The following SGCZ variants were observed in gnomAD, a reference collection of about 807,000 sequenced individuals.
The protein encoded by SGCZ is zeta-sarcoglycan.
SGCZ carries 40 observed loss-of-function variants against 41.3 expected under a neutral mutation model. The observed-to-expected ratio is 0.97, with a 90% CI of 0.75 to 1.26. SGCZ has a LOEUF of 1.26. Among genes scored for constraint, SGCZ ranks in the 50% most tolerant of loss-of-function variants. SGCZ has a pLI of 0.00. For missense variants in SGCZ, 552 were observed against 369.8 expected, an observed-to-expected ratio of 1.49 and a Z score of -4.04; for synonymous variants, 206 against 137.5, an observed-to-expected ratio of 1.50 and a Z score of -3.49.
intron 1 of SGCZ, among the ~76,000 whole-genome samples, chr8:15,050,284 T>G (rs997495313): frequency 6.6e-6 from 1 of 152,166 alleles, no homozygotes; most frequent in Non-Finnish European, 1.5e-5. Context: ...AACCCAACTG[T>G]GAGATGATAT....
At chr8:14,369,271 T>A (rs1458454321) in intron 2 of SGCZ, among the ~76,000 whole-genome samples, 2 of 151,992 alleles carry the variant, frequency 1.3e-5, no homozygotes, top group Non-Finnish European at 2.9e-5. Flanking sequence ...AATTGCCATG[T>A]CTCTCCTTTG....
chr8:14,125,714 C>A lies in SGCZ; in HGVS notation c.548-17479G>T, dbSNP rs76342253. Reference sequence around the variant, plus strand: ...GGACAAAGCTGGAGGCATCACACTACCTGATTCCAAACTACCAGGCTACAG... The same window carrying A: ...GGACAAAGCTGGAGGCATCACACTAACTGATTCCAAACTACCAGGCTACAG... On this transcript the variant is annotated intron_variant, in intron 5 of 7. Coordinates refer to ENST00000382080, the MANE Select transcript of SGCZ (RefSeq NM_139167.4). Among the ~76,000 whole-genome samples the A allele has an allele frequency of 9.3e-3, 1,418 of 152,246 alleles. 11 individuals carry two copies. The highest frequency in any genetic ancestry group is 0.014 in the Non-Finnish European group (972 of 68,008).
intron 1 of SGCZ, among the ~76,000 whole-genome samples, chr8:15,042,912 A>C (rs2130980730): frequency 6.6e-6 from 1 of 152,268 alleles, no homozygotes; most frequent in South Asian, 2.1e-4. Context: ...TTTATTATTT[A>C]ATAGTGTTTC....
At chr8:14,342,409 C>G (rs113606433) in intron 2 of SGCZ, among the ~76,000 whole-genome samples, 11 of 152,186 alleles carry the variant, frequency 7.2e-5, no homozygotes, top group African/African-American at 2.6e-4. Context: ...CTCTGCCTCC[C>G]GGGTTCATGC....
At chr8:15,227,077 G>A (rs541642449) in intron 1 of SGCZ, among the ~76,000 whole-genome samples, 1 of 152,294 alleles carries the variant, frequency 6.6e-6, no homozygotes, top group African/African-American at 2.4e-5. Flanking sequence ...GCAGATTGCT[G>A]GAAATAGGAG....
chr8:14,230,663 CCCA>C (rs1012217672), intron 4 of SGCZ, among the ~76,000 whole-genome samples: 2 of 151,844 alleles, frequency 1.3e-5, no homozygotes, highest in Non-Finnish European at 2.9e-5. Flanking sequence ...TATGATTGTC[CCCA>C]CAATATTATT....
Position 15,193,581 on chromosome 8 carries a change from C to T in SGCZ, c.39+44004G>A, listed in dbSNP as rs543498135. Among the ~76,000 whole-genome samples the T allele has an allele frequency of 2.6e-5, 4 of 152,106 alleles. No individual in the cohort carries two copies. The South Asian group carries it at 8.3e-4, about 32-fold the overall frequency. ...TGAAATAAATGACCAATGCCCACAA[C>T]CAAGAGATGGTAGAATAAAGAATTT... On this transcript the variant is annotated intron_variant, in intron 1 of 7. Transcript: ENST00000382080.
intron 1 of SGCZ, among the ~76,000 whole-genome samples, chr8:14,982,203 G>A (rs1041636576): frequency 4.6e-5 from 7 of 151,270 alleles, no homozygotes; most frequent in South Asian, 2.1e-4. Context: ...ATACAATTAA[G>A]ACTGAAATGG....
intron 3 of SGCZ, among the ~76,000 whole-genome samples, chr8:14,304,779 T>C (rs1489331642): frequency 3.9e-5 from 6 of 152,178 alleles, no homozygotes; most frequent in Admixed American, 3.9e-4. Context: ...AAGGCTATTT[T>C]AACTGTGTAA....
At chr8:14,100,562 A>AT (rs1801985877) in intron 7 of SGCZ, among the ~76,000 whole-genome samples, 1 of 135,378 alleles carries the variant, frequency 7.4e-6, no homozygotes, top group African/African-American at 2.7e-5. Context: ...TTAATATATT[A>AT]TATATTAATA....
chr8:15,218,915 T>C (rs1180650326), intron 1 of SGCZ, among the ~76,000 whole-genome samples: 1 of 152,158 alleles, frequency 6.6e-6, no homozygotes, highest in Non-Finnish European at 1.5e-5. Context: ...AGCCCACAAG[T>C]GGCGCTGAAA....
chr8:14,460,665 C>A (rs1312606142), intron 2 of SGCZ, among the ~76,000 whole-genome samples: 1 of 152,032 alleles, frequency 6.6e-6, no homozygotes, highest in Non-Finnish European at 1.5e-5. Context: ...AATTCCAAAT[C>A]CAAAGAAGTA....
intron 1 of SGCZ, among the ~76,000 whole-genome samples, chr8:14,754,114 G>C (rs574417903): frequency 1.3e-5 from 2 of 152,108 alleles, no homozygotes; most frequent in African/African-American, 4.8e-5. Context: ...AGACAAATTT[G>C]ACTTTCAGCT....
intron 2 of SGCZ, among the ~76,000 whole-genome samples, chr8:14,455,710 C>T (rs1437542541): frequency 1.3e-5 from 2 of 152,144 alleles, no homozygotes; most frequent in Non-Finnish European, 2.9e-5. Flanking sequence ...AATGACCATA[C>T]TTAGGAAAGT....
At chr8:14,521,530 C>A (rs1275627111) in intron 2 of SGCZ, among the ~76,000 whole-genome samples, 1 of 152,056 alleles carries the variant, frequency 6.6e-6, no homozygotes, top group African/African-American at 2.4e-5. Flanking sequence ...TGCCAATGTA[C>A]CCAGTTGTTT....
chr8:14,684,870 G>A (rs1471189759), intron 1 of SGCZ, among the ~76,000 whole-genome samples: 1 of 152,052 alleles, frequency 6.6e-6, no homozygotes, highest in Non-Finnish European at 1.5e-5. Context: ...ACACATGTGT[G>A]GAGGAGGGAG....
chr8:14,608,865 G>A (rs1444916769), intron 1 of SGCZ, among the ~76,000 whole-genome samples: 2 of 151,840 alleles, frequency 1.3e-5, no homozygotes, highest in Non-Finnish European at 1.5e-5. Context: ...ACAAAAAAAA[G>A]GTCCAACTTT....
At chr8:14,690,417 A>C (rs1475231103) in intron 1 of SGCZ, 1 of 152,038 alleles carries the variant, frequency 6.6e-6, no homozygotes, top group African/African-American at 2.4e-5. Context: ...TGAGGGTATT[A>C]GGCACCTCAA....
chr8:15,209,868 G>C (rs1428762358), intron 1 of SGCZ, among the ~76,000 whole-genome samples: 1 of 152,066 alleles, frequency 6.6e-6, no homozygotes, highest in African/African-American at 2.4e-5. Context: ...TAATCATGGG[G>C]GCTTCTCCAA....
Sources: allele counts gnomAD v4.1 joint callset (sites outside exome capture counted in the v4.1 genomes callset), GRCh38; gene constraint gnomAD v4.1.1; transcripts MANE v1.5; gene names NCBI Gene and HGNC (gene_info 2026-07-23, HGNC 2026-07-21).